RUBCN: variants seen among roughly 807,000 people sequenced by gnomAD.
RUBCN encodes rubicon autophagy regulator, also known as run domain Beclin-1-interacting and cysteine-rich domain-containing protein.
A neutral mutation model predicts 113.2 loss-of-function variants in RUBCN; 74 were observed. The observed-to-expected ratio is 0.65, with a 90% confidence interval of 0.54 to 0.79. RUBCN has a LOEUF of 0.79. Among genes scored for constraint, RUBCN ranks in the 30% least tolerant of loss-of-function variants. RUBCN has a pLI of 0.00. For synonymous variants in RUBCN, 480 were observed against 490.0 expected (o/e 0.98, Z 0.27); for missense variants, 1,109 against 1,251.7 (o/e 0.89, Z 1.72).
chr3:197,717,914 A>G (rs1252658410), intron 2 of RUBCN, 63 bp downstream of exon 2: 8 of 1,596,336 alleles, frequency 5.0e-6, no homozygotes, highest in South Asian at 4.4e-5. Flanking sequence ...CTCCCTGCCA[A>G]TGCGACTGTT....
intron 10 of RUBCN, 25 bp downstream of exon 10, chr3:197,694,349 CA>C (rs1722765907): frequency 6.2e-7 from 1 of 1,607,716 alleles, no homozygotes; most frequent in Non-Finnish European, 8.5e-7. Context: ...AATGTGGGAA[CA>C]GAAGCATCCA....
intron 11 of RUBCN, among the ~76,000 whole-genome samples, chr3:197,690,877 T>C (rs968016827): frequency 2.0e-5 from 3 of 152,312 alleles, no homozygotes; most frequent in African/African-American, 7.2e-5. Flanking sequence ...TGGGGTCACA[T>C]GAGGAAGAAT....
chr3:197,737,015 C>A, upstream of RUBCN: 1 of 1,077,632 alleles, frequency 9.3e-7, no homozygotes, highest in Non-Finnish European at 1.2e-6. Flanking sequence ...CGCGCCCCTC[C>A]AACGGCAGGC....
chr3:197,682,960 G>A (rs992754086), intron 13 of RUBCN, among the ~76,000 whole-genome samples: 4 of 152,190 alleles, frequency 2.6e-5, no homozygotes, highest in Non-Finnish European at 4.4e-5. Flanking sequence ...CCCATCCCAG[G>A]ACCCTTGCTG....
chr3:197,732,393 A>C (rs1007855093), intron 1 of RUBCN, among the ~76,000 whole-genome samples: 7 of 152,180 alleles, frequency 4.6e-5, no homozygotes, highest in Non-Finnish European at 8.8e-5. Context: ...GGCTCACTGC[A>C]AGCTCCGCCT....
intron 1 of RUBCN, among the ~76,000 whole-genome samples, chr3:197,726,244 T>A (rs982749937): frequency 2.6e-5 from 4 of 152,094 alleles, no homozygotes; most frequent in Non-Finnish European, 4.4e-5. Context: ...ATTTTATTTT[T>A]TATTTTTATT....
At chr3:197,717,898 C>T (rs576331213) in intron 2 of RUBCN, 79 bp downstream of exon 2, 8 of 1,542,546 alleles carry the variant, frequency 5.2e-6, no homozygotes, top group South Asian at 4.5e-5. Flanking sequence ...CAGTGGCCTT[C>T]ATCTCCTCCC....
chr3:197,702,384 C>T (rs929050368), intron 5 of RUBCN, among the ~76,000 whole-genome samples: 7 of 152,192 alleles, frequency 4.6e-5, no homozygotes, highest in African/African-American at 1.2e-4. Context: ...CGAATCAGGC[C>T]GGGCACAGTG....
At chr3:197,740,809 C>T (rs993616379), upstream of RUBCN, among the ~76,000 whole-genome samples, 18 of 151,880 alleles carry the variant, frequency 1.2e-4, no homozygotes, top group Admixed American at 6.6e-4. Context: ...TTAGTAGAGA[C>T]GGGGTTTCAT....
chr3:197,729,644 C>T (rs988568213), intron 1 of RUBCN, among the ~76,000 whole-genome samples: 1 of 152,152 alleles, frequency 6.6e-6, no homozygotes, highest in African/African-American at 2.4e-5. Context: ...CTGCAACCTC[C>T]GCCTACCAGG....
chr3:197,702,531 C>T (rs1342356583), intron 5 of RUBCN, among the ~76,000 whole-genome samples: 6 of 152,148 alleles, frequency 3.9e-5, no homozygotes, highest in East Asian at 1.9e-4. Context: ...GGCGTGGTGG[C>T]GTGCACCTGT....
chr3:197,706,050 C>T (rs2108921703), intron 2 of RUBCN, among the ~76,000 whole-genome samples: 1 of 152,278 alleles, frequency 6.6e-6, no homozygotes, highest in Non-Finnish European at 1.5e-5. Flanking sequence ...CTACTCCTTT[C>T]TCTCTACCGT....
At chr3:197,684,978 A>G (rs1721679519) in intron 11 of RUBCN, among the ~76,000 whole-genome samples, 1 of 152,176 alleles carries the variant, frequency 6.6e-6, no homozygotes, top group Non-Finnish European at 1.5e-5. Context: ...TTCATGGAGG[A>G]AAAGGAACTT....
upstream of RUBCN, among the ~76,000 whole-genome samples, chr3:197,739,386 C>T (rs1173639228): frequency 9.9e-6 from 1 of 101,396 alleles, no homozygotes; most frequent in African/African-American, 3.4e-5. Flanking sequence ...AGCAAGACTT[C>T]GTCTGAAAAA....
Position 197,681,261 on chromosome 3 carries a change from C to T in RUBCN, c.2298G>A (p.Trp766Ter). 6.2e-7 allele frequency: 1 copy of T among 1,614,102 alleles called. No individual in the cohort carries two copies. Among genetic ancestry groups the T allele is most frequent in the Non-Finnish European group, 8.5e-7 (1 of 1,179,988 alleles). ...TGCTGACGTAGTACTTGCTGAAGTCCCACTTGCGCAGAACCCGGCTGGGGA... is the reference window on the plus strand; with the variant it reads ...TGCTGACGTAGTACTTGCTGAAGTCTCACTTGCGCAGAACCCGGCTGGGGA... ...MAIPSRVLRK[W>*]DFSKYYVSNF... is the part of the protein sequence containing the mutation. The change falls in exon 16 of 20, where the codon TGG (tryptophan) becomes TGA (stop). Residue 766 changes from tryptophan to a stop codon, truncating the protein, a stop_gained. Coordinates refer to ENST00000296343, the MANE Select transcript of RUBCN (RefSeq NM_014687.4). LOFTEE classifies it high-confidence loss of function. This position sits in a 1 kb window ranked among gnomAD's most constrained non-coding sequence, Gnocchi z 5.5.
chr3:197,705,124 GC>G lies in RUBCN; in HGVS notation c.270del (p.Trp90CysfsTer71). 6.2e-7 allele frequency: 1 copy of G among 1,614,150 alleles called. No homozygotes were observed. Among genetic ancestry groups the G allele is most frequent in the Non-Finnish European group, 8.5e-7 (1 of 1,180,008 alleles). ...ACGTGAAGGGCTGAGTGGGGACTGA[GC>G]CACCGGATGTCTTTCACGAACTGCC... is the stretch of plus-strand genomic sequence containing the variant. ...DYWQFVKDIR[W>X]LSPHSALHVE... On this transcript the variant is annotated frameshift_variant, in exon 3 of 20. Transcript: ENST00000296343. LOFTEE classifies it high-confidence loss of function.
At chr3:197,707,309 G>A (rs552294267) in intron 2 of RUBCN, among the ~76,000 whole-genome samples, 5 of 152,208 alleles carry the variant, frequency 3.3e-5, no homozygotes, top group Admixed American at 6.5e-5. Context: ...TCCAGCCTGG[G>A]TGACAGAGCG....
upstream of RUBCN, among the ~76,000 whole-genome samples, chr3:197,739,454 G>A (rs559700994): frequency 5.9e-4 from 89 of 150,986 alleles, no homozygotes; most frequent in South Asian, 8.4e-4. Flanking sequence ...AGCACTTTGG[G>A]AGGTCAAGGC....
intron 7 of RUBCN, 127 bp from the exon 8 acceptor site, chr3:197,697,176 C>T: frequency 1.5e-6 from 1 of 673,840 alleles, no homozygotes; most frequent in Non-Finnish European, 2.8e-6. Flanking sequence ...AGAGAGGCGG[C>T]ACACCAACGG....
Sources: gnomAD v4.1 joint callset for allele counts (sites outside exome capture counted in the v4.1 genomes callset) on GRCh38, gnomAD v4.1.1 for gene constraint, Gnocchi (gnomAD v3.1) non-coding constraint, MANE v1.5 for transcripts, NCBI Gene and HGNC (gene_info 2026-07-23, HGNC 2026-07-21) for gene names.